The following MOXD1 variants were observed in gnomAD, a reference collection of about 807,000 sequenced individuals.
The protein encoded by MOXD1 is monooxygenase DBH like 1, also known as DBH-like monooxygenase protein 1.
A neutral mutation model predicts 66.6 loss-of-function variants in MOXD1; 62 were observed. The observed-to-expected ratio is 0.93, with a 90% CI of 0.76 to 1.15. The LOEUF (loss-of-function observed/expected upper bound fraction) is 1.15, where lower values mean the gene tolerates loss of function less well. Among genes scored for constraint, MOXD1 ranks in the 50% most tolerant of loss-of-function variants. The pLI is 0.00. For missense variants in MOXD1, 847 were observed against 754.6 expected, an observed-to-expected ratio of 1.12 and a Z score of -1.44; for synonymous variants, 303 against 281.9, an observed-to-expected ratio of 1.07 and a Z score of -0.75.
At chr6:132,359,354 G>A (rs1253652568) in intron 4 of MOXD1, among the ~76,000 whole-genome samples, 3 of 152,090 alleles carry the variant, frequency 2.0e-5, no homozygotes, top group Admixed American at 1.3e-4. Context: ...GATGACAGGT[G>A]AAAGCCACTG....
At chr6:132,310,147 A>T (rs1328205329) in intron 10 of MOXD1, among the ~76,000 whole-genome samples, 1 of 152,226 alleles carries the variant, frequency 6.6e-6, no homozygotes, top group Non-Finnish European at 1.5e-5. Context: ...AACTTAAACA[A>T]ATTTACAAGA....
rs1412524392 is a variant in MOXD1, at chr6:132,401,267, C to T, written c.160G>A (p.Val54Met). The part of the protein sequence containing the change: ...RGSQIAFRLQ[V>M]RTAGYVGFGF... ...AAGCCCACGTAGCCTGCAGTGCGCA[C>T]CTGGAGGCGGAAGGCGATCTGGCTG... The change falls in exon 1 of 12, where the codon GTG (valine) becomes ATG (methionine). Residue 54 changes from valine to methionine, a missense_variant. By Grantham distance (21) the Val-to-Met change is conservative (BLOSUM62 1). Transcript: ENST00000367963. 1.3e-6 allele frequency: 2 copies of T among 1,597,464 alleles called. No individual in the cohort carries two copies. The highest frequency in any genetic ancestry group is 1.7e-6 in the Non-Finnish European group (2 of 1,177,456).
At position 132,401,466 on chromosome 6, in the gene MOXD1, G is replaced by T. The variant is rs1447533988; in HGVS notation, c.-40C>A. ...TGCCCGCCGGTACCGGCCTCCAGCC[G>T]CTGGGGAGTGAGGAGCAGAACGAGG... On this transcript the variant is annotated 5_prime_UTR_variant, in exon 1 of 12. Coordinates refer to ENST00000367963, the MANE Select transcript of MOXD1 (RefSeq NM_015529.4). 1.2e-5 allele frequency: 18 copies of T among 1,450,000 alleles called. No individual in the cohort carries two copies. The highest frequency in any genetic ancestry group is 5.9e-5 in the African/African-American group (4 of 67,960). The allele number at this position is 1,450,000 out of a possible 1,614,324, so 89.8% of individuals were successfully genotyped here.
At position 132,340,638 on chromosome 6, in the gene MOXD1, A is replaced by ATTTTTTTTTTTTTTTTTTTTTTT. The variant is rs869205496; in HGVS notation, c.664-12067_664-12045dup. 8.1e-5 allele frequency among the ~76,000 whole-genome samples: 8 copies of ATTTTTTTTTTTTTTTTTTTTTTT among 98,784 alleles called. 2 individuals carry two copies. Among genetic ancestry groups the ATTTTTTTTTTTTTTTTTTTTTTT allele is most frequent in the African/African-American group, 3.1e-4 (7 of 22,562 alleles). 64.8% of individuals were successfully genotyped at this position (98,784 alleles called of 152,430 possible). A position where few individuals can be genotyped will look rare whatever the true frequency, so the allele number is the denominator to read the frequency against. On this transcript the variant is annotated intron_variant, in intron 4 of 11. Coordinates refer to ENST00000367963, the MANE Select transcript of MOXD1 (RefSeq NM_015529.4). ...ACAACATGCTAAAACAACAAGACTC[A>ATTTTTTTTTTTTTTTTTTTTTTT]TTTTTTTTTTTTTTTTTTTTTTTTT...
At chr6:132,307,886 A>G (rs1010541116) in intron 10 of MOXD1, among the ~76,000 whole-genome samples, 2 of 152,228 alleles carry the variant, frequency 1.3e-5, no homozygotes, top group Non-Finnish European at 2.9e-5. Context: ...AAGGAAATTT[A>G]TAGCACTAAA....
chr6:132,335,576 C>T (rs927492961), intron 4 of MOXD1, among the ~76,000 whole-genome samples: 2 of 152,124 alleles, frequency 1.3e-5, no homozygotes, highest in African/African-American at 4.8e-5. Flanking sequence ...CAGAAGCTAC[C>T]AGAAGCTGGA....
rs761991326 is a variant in MOXD1, at chr6:132,297,189, CAGA to C, written c.1803_1805del (p.Leu604del). 1 of 1,613,518 alleles carries C rather than the reference CAGA, an allele frequency of 6.2e-7. No homozygotes were observed. The highest frequency in any genetic ancestry group is 8.5e-7 in the Non-Finnish European group (1 of 1,179,638). On this transcript the variant is annotated inframe_deletion, in exon 12 of 12. Coordinates refer to ENST00000367963, the MANE Select transcript of MOXD1 (RefSeq NM_015529.4). The stretch of plus-strand genomic sequence containing the variant: ...TGGTGCTCAGCGTGCAGCTGAGTAG[CAGA>C]AGGCAAACAAGCAAGTTGATGGAGA...
intron 4 of MOXD1, among the ~76,000 whole-genome samples, chr6:132,346,412 T>C (rs2079549980): frequency 6.6e-6 from 1 of 152,186 alleles, no homozygotes; most frequent in Non-Finnish European, 1.5e-5. Context: ...AAAAATGTAA[T>C]AAATGGCCCA....
chr6:132,398,980 T>C (rs549916284), intron 1 of MOXD1, among the ~76,000 whole-genome samples: 21 of 149,608 alleles, frequency 1.4e-4, no homozygotes, highest in African/African-American at 4.9e-4. Flanking sequence ...CTTTTTGGTA[T>C]AGTTGCTGAA....
chr6:132,322,585 A>T, intron 8 of MOXD1, 94 bp downstream of exon 8: 1 of 1,270,346 alleles, frequency 7.9e-7, no homozygotes, highest in Non-Finnish European at 1.1e-6. Context: ...TGCAAGGAAA[A>T]ATTCATTTCA....
chr6:132,370,465 T>C (rs765376299), intron 4 of MOXD1, among the ~76,000 whole-genome samples: 1 of 152,050 alleles, frequency 6.6e-6, no homozygotes, highest in Non-Finnish European at 1.5e-5. Flanking sequence ...TAATATCCTA[T>C]TTTAGTTAAT....
At chr6:132,399,382 C>T (rs1776969932) in intron 1 of MOXD1, among the ~76,000 whole-genome samples, 1 of 152,150 alleles carries the variant, frequency 6.6e-6, no homozygotes, top group Admixed American at 6.5e-5. Context: ...TGCAGCCAGT[C>T]ATAATTTATC....
chr6:132,304,890 T>A (rs1774652030), intron 10 of MOXD1, among the ~76,000 whole-genome samples: 1 of 152,144 alleles, frequency 6.6e-6, no homozygotes, highest in African/African-American at 2.4e-5. Context: ...TTCTTACACA[T>A]CACTGGTAAG....
intron 4 of MOXD1, among the ~76,000 whole-genome samples, chr6:132,372,396 G>A (rs1276514902): frequency 6.6e-6 from 1 of 152,088 alleles, no homozygotes. Context: ...CCTTTGACAT[G>A]TAAAATTAGG....
chr6:132,383,636 T>C (rs149430256), intron 1 of MOXD1, among the ~76,000 whole-genome samples: 1 of 152,196 alleles, frequency 6.6e-6, no homozygotes, highest in Non-Finnish European at 1.5e-5. Flanking sequence ...TATAGAATCA[T>C]GAAAGATACA....
chr6:132,382,074 C>T (rs375787706), intron 1 of MOXD1, among the ~76,000 whole-genome samples: 1 of 151,908 alleles, frequency 6.6e-6, no homozygotes, highest in Non-Finnish European at 1.5e-5. Flanking sequence ...TGTGCACTCT[C>T]GTTGTCATGG....
At chr6:132,313,947 C>T (rs858376) in intron 10 of MOXD1, among the ~76,000 whole-genome samples, 53,691 of 151,750 alleles carry the variant, frequency 0.35, 9,600 homozygotes, top group South Asian at 0.51. Flanking sequence ...AAAACAAAAC[C>T]TCTATGTGTA....
chr6:132,299,314 C>T (rs1168179229), intron 10 of MOXD1, among the ~76,000 whole-genome samples: 1 of 152,058 alleles, frequency 6.6e-6, no homozygotes, highest in African/African-American at 2.4e-5. Flanking sequence ...AAAAAACTAC[C>T]TGTTGGGTGC....
At chr6:132,371,426 C>T (rs1776260484) in intron 4 of MOXD1, among the ~76,000 whole-genome samples, 1 of 152,162 alleles carries the variant, frequency 6.6e-6, no homozygotes, top group Admixed American at 6.6e-5. Flanking sequence ...CCTAAAGCCA[C>T]TCCCTTTGCC....
Sources: allele counts gnomAD v4.1 joint callset (sites outside exome capture counted in the v4.1 genomes callset), GRCh38; gene constraint gnomAD v4.1.1; transcripts MANE v1.5; gene names NCBI Gene and HGNC (gene_info 2026-07-23, HGNC 2026-07-21).